Variants in TDRD12 observed in about 807,000 individuals in gnomAD.
TDRD12 encodes the protein putative ATP-dependent RNA helicase TDRD12.
A neutral mutation model predicts 133.5 loss-of-function variants in TDRD12; 158 were observed. That is an observed-to-expected ratio of 1.18 (90% CI 1.04 to 1.35). TDRD12 has a LOEUF of 1.35. Among genes scored for constraint, TDRD12 ranks in the 40% most tolerant of loss-of-function variants. TDRD12 has a pLI of 0.00. For synonymous variants in TDRD12, 460 were observed against 477.9 expected (o/e 0.96, Z 0.49); for missense variants, 1,443 against 1,321.3 (o/e 1.09, Z -1.43).
chr19:32,826,613 A>G lies in TDRD12; in HGVS notation c.1049+15A>G, dbSNP rs577442330. 19 of 1,236,358 alleles carry G rather than the reference A, an allele frequency of 1.5e-5. No individual in the cohort carries two copies. In the East Asian group the frequency reaches 3.5e-4, roughly 22 times the overall value. The allele number at this position is 1,236,358 out of a possible 1,614,324, so 76.6% of individuals were successfully genotyped here. ...TCAGACAGAGGGTGAGTTGGGATGC[A>G]CTCAGCGGGTGGTCTTTACCCTGCG... is the stretch of plus-strand genomic sequence containing the variant. On this transcript the variant is annotated intron_variant, in intron 9 of 9. Transcript: ENST00000637289.
chr19:32,807,578 G>A (rs745946361), exon 22 of TDRD12: 62 of 1,534,564 alleles, frequency 4.0e-5, no homozygotes, highest in South Asian at 2.4e-4. Context: ...GACCGACACC[G>A]TATTAATCCA....
intron 2 of TDRD12, among the ~76,000 whole-genome samples, chr19:32,735,325 T>G (rs1008330611): frequency 7.2e-5 from 11 of 152,072 alleles, no homozygotes; most frequent in African/African-American, 2.2e-4. Flanking sequence ...GGAGAAAGTT[T>G]TATTGGTCAG....
At chr19:32,794,558 G>C (rs751044100) in intron 13 of TDRD12, 70 bp from the exon 14 acceptor site, 21 of 663,482 alleles carry the variant, frequency 3.2e-5, no homozygotes, top group Non-Finnish European at 5.5e-5. Context: ...GGGGTGAAAT[G>C]AGCCATGCAA....
chr19:32,812,652 C>A (rs949539346), intron 24 of TDRD12, among the ~76,000 whole-genome samples: 1 of 152,162 alleles, frequency 6.6e-6, no homozygotes, highest in African/African-American at 2.4e-5. Flanking sequence ...AGTTCTTTCC[C>A]CAAGAAACAT....
At chr19:32,744,360 C>T (rs949292053) in intron 4 of TDRD12, among the ~76,000 whole-genome samples, 2 of 151,718 alleles carry the variant, frequency 1.3e-5, no homozygotes, top group South Asian at 2.1e-4. Context: ...ATTAGCCAGG[C>T]GCAGTGGTAC....
chr19:32,742,790 T>G, exon 4 of TDRD12: 1 of 1,551,566 alleles, frequency 6.4e-7, no homozygotes, highest in African/African-American at 1.4e-5. Flanking sequence ...GCATCCGAGT[T>G]GTAGTAGAAT....
Position 32,804,134 on chromosome 19 carries a change from G to A in TDRD12, c.2552+992G>A, listed in dbSNP as rs965877201. 3.3e-5 allele frequency among the ~76,000 whole-genome samples: 5 copies of A among 151,512 alleles called. No homozygotes were observed. The East Asian group carries it at 7.9e-4, about 24-fold the overall frequency. On this transcript the variant is annotated intron_variant, in intron 21 of 27. Transcript: ENST00000444215. ...GTTGCCCAGGCTGGAGTGCAGTGGC[G>A]CCATCTCGGCTCACTGCAAGCTCCA...
At chr19:32,746,642 G>T (rs1250940648) in intron 4 of TDRD12, among the ~76,000 whole-genome samples, 1 of 144,400 alleles carries the variant, frequency 6.9e-6, no homozygotes, top group African/African-American at 2.6e-5. Flanking sequence ...GGCTGATGTG[G>T]TTATTCTGTG....
chr19:32,730,039 C>T (rs1435655610), intron 1 of TDRD12, among the ~76,000 whole-genome samples: 1 of 151,968 alleles, frequency 6.6e-6, no homozygotes, highest in Non-Finnish European at 1.5e-5. Flanking sequence ...ATCCGCCCAC[C>T]TCGGCCTCCC....
chr19:32,787,830 C>T (rs1436539557), intron 11 of TDRD12, among the ~76,000 whole-genome samples: 1 of 152,134 alleles, frequency 6.6e-6, no homozygotes, highest in Non-Finnish European at 1.5e-5. Context: ...TACTGCTCCT[C>T]CAGGTACAGT....
intron 25 of TDRD12, 133 bp downstream of exon 25, chr19:32,813,909 G>A (rs1967090682): frequency 3.2e-6 from 2 of 623,312 alleles, no homozygotes; most frequent in East Asian, 5.6e-5. Context: ...TTAGGGAGAG[G>A]TGTTTTTCAT....
chr19:32,758,923 G>C (rs1309543600), intron 8 of TDRD12, among the ~76,000 whole-genome samples: 3 of 151,986 alleles, frequency 2.0e-5, no homozygotes, highest in Admixed American at 6.6e-5. Context: ...GACAGAGTGA[G>C]ACTCTGTCTC....
intron 11 of TDRD12, among the ~76,000 whole-genome samples, chr19:32,784,000 G>A (rs1970839785): frequency 6.6e-6 from 1 of 151,952 alleles, no homozygotes; most frequent in African/African-American, 2.4e-5. Flanking sequence ...CCTTTCTCTT[G>A]CCTGATTGCC....
At chr19:32,789,933 C>T (rs528777488) in intron 11 of TDRD12, among the ~76,000 whole-genome samples, 4 of 151,690 alleles carry the variant, frequency 2.6e-5, no homozygotes, top group African/African-American at 9.7e-5. Flanking sequence ...ACCTGGGAGG[C>T]GGATGTTGCA....
In TDRD12 at chr19:32,800,044, A is replaced by G. The variant is rs1327145156; in HGVS notation, c.1759-123A>G. ...CCACCACACCTGGCCTTTTCCTTTT[A>G]TTTTTGAAAGACTTTCTCCACTCTG... On this transcript the variant is annotated intron_variant, in intron 16 of 27. Coordinates refer to ENST00000444215, the Ensembl canonical transcript of TDRD12. 8.8e-6 allele frequency: 6 copies of G among 679,584 alleles called. No individual in the cohort carries two copies. The Admixed American group carries it at 9.7e-5, about 11-fold the overall frequency. 42.1% of individuals were successfully genotyped at this position (679,584 alleles called of 1,614,324 possible).
At chr19:32,800,429 C>G (rs1971355157) in intron 17 of TDRD12, 71 bp downstream of exon 17, 2 of 1,196,822 alleles carry the variant, frequency 1.7e-6, no homozygotes, top group Non-Finnish European at 1.1e-6. Context: ...CTGATGAACA[C>G]AAGCAAGTAA....
chr19:32,794,261 A>G (rs1228851670), intron 13 of TDRD12, among the ~76,000 whole-genome samples: 1 of 150,922 alleles, frequency 6.6e-6, no homozygotes, highest in Non-Finnish European at 1.5e-5. Context: ...ATGCACCACC[A>G]CACCTGGCTA....
downstream of TDRD12, among the ~76,000 whole-genome samples, chr19:32,823,193 G>A (rs993713910): frequency 6.6e-6 from 1 of 152,194 alleles, no homozygotes; most frequent in Non-Finnish European, 1.5e-5. Flanking sequence ...AGCCCCAGAG[G>A]GTGGTTTGCT....
chr19:32,774,075 G>T (rs748560066), intron 10 of TDRD12, among the ~76,000 whole-genome samples: 5 of 152,194 alleles, frequency 3.3e-5, no homozygotes, highest in Admixed American at 6.5e-5. Context: ...AGTATCAGAG[G>T]CTGGGTCTGT....
Sources: gnomAD v4.1 joint callset for allele counts (sites outside exome capture counted in the v4.1 genomes callset) on GRCh38, gnomAD v4.1.1 for gene constraint, MANE v1.5 for transcripts, NCBI Gene and HGNC (gene_info 2026-07-23, HGNC 2026-07-21) for gene names.